The following FGGY variants were observed in gnomAD, a reference collection of about 807,000 sequenced individuals.
The protein encoded by FGGY is FGGY carbohydrate kinase domain containing.
A neutral mutation model predicts 71.3 loss-of-function variants in FGGY; 72 were observed. The observed-to-expected ratio is 1.01, with a 90% CI of 0.84 to 1.23. The LOEUF is 1.23. Among genes scored for constraint, FGGY ranks in the 50% most tolerant of loss-of-function variants. The pLI is 0.00. For missense variants in FGGY, 668 were observed against 682.3 expected, an observed-to-expected ratio of 0.98 and a Z score of 0.23; for synonymous variants, 251 against 250.3, an observed-to-expected ratio of 1.00 and a Z score of -0.02.
chr1:59,428,060 G>A (rs1280777191), intron 5 of FGGY, among the ~76,000 whole-genome samples: 1 of 152,200 alleles, frequency 6.6e-6, no homozygotes, highest in African/African-American at 2.4e-5. Flanking sequence ...TCAACTATTG[G>A]TATTTGCCAA....
chr1:59,724,443 T>G (rs1374647095), intron 14 of FGGY, among the ~76,000 whole-genome samples: 2 of 151,070 alleles, frequency 1.3e-5, no homozygotes, highest in Non-Finnish European at 3.0e-5. Context: ...GAGATTGCAC[T>G]GCTGCACTCC....
intron 1 of FGGY, among the ~76,000 whole-genome samples, chr1:59,299,753 C>G (rs2042473496): frequency 6.6e-6 from 1 of 152,194 alleles, no homozygotes; most frequent in African/African-American, 2.4e-5. Flanking sequence ...TGTCGTTCCC[C>G]TATTGGCTAG....
At chr1:59,511,068 T>A (rs2094506539) in intron 6 of FGGY, among the ~76,000 whole-genome samples, 1 of 152,222 alleles carries the variant, frequency 6.6e-6, no homozygotes. Context: ...ACAGCAGAGT[T>A]CTTCTAGAAG....
intron 1 of FGGY, among the ~76,000 whole-genome samples, chr1:59,314,647 C>T (rs941477108): frequency 6.6e-6 from 1 of 152,108 alleles, no homozygotes; most frequent in East Asian, 1.9e-4. Context: ...AATATGGTGA[C>T]CCTGATATTG....
intron 5 of FGGY, among the ~76,000 whole-genome samples, chr1:59,391,026 T>G (rs556301599): frequency 5.9e-5 from 9 of 152,338 alleles, no homozygotes; most frequent in African/African-American, 2.2e-4. Flanking sequence ...TAATCCTTAG[T>G]TCAAAGTTTT....
Position 59,363,955 on chromosome 1 carries a change from C to G in FGGY, c.466-14794C>G, listed in dbSNP as rs74085984. 2.7e-3 allele frequency among the ~76,000 whole-genome samples: 416 copies of G among 152,260 alleles called. 1 individual carries two copies. Among genetic ancestry groups the G allele is most frequent in the African/African-American group, 9.7e-3 (403 of 41,548 alleles). Reference sequence around the variant, plus strand: ...GGGAAATCACAGTGGAACTCTGCAACAGTGGTGTAAATGAACAAGTAAGGA... The same window carrying G: ...GGGAAATCACAGTGGAACTCTGCAAGAGTGGTGTAAATGAACAAGTAAGGA... On this transcript the variant is annotated intron_variant, in intron 4 of 15. Coordinates refer to ENST00000303721, the MANE Select transcript of FGGY (RefSeq NM_018291.5).
At chr1:59,606,685 A>G (rs566511562) in intron 8 of FGGY, among the ~76,000 whole-genome samples, 1 of 152,346 alleles carries the variant, frequency 6.6e-6, no homozygotes, top group African/African-American at 2.4e-5. Context: ...TGCTTTGTTT[A>G]TAATGAGAGC....
intron 5 of FGGY, among the ~76,000 whole-genome samples, chr1:59,429,719 C>T (rs2067003948): frequency 2.0e-5 from 3 of 152,152 alleles, no homozygotes; most frequent in Admixed American, 6.5e-5. Context: ...CACAGACACA[C>T]GACACACACG....
chr1:59,363,781 C>T (rs1193780995), intron 4 of FGGY, among the ~76,000 whole-genome samples: 2 of 152,154 alleles, frequency 1.3e-5, no homozygotes, highest in Non-Finnish European at 2.9e-5. Context: ...CTCAAGGACC[C>T]GTGACAAAAC....
At chr1:59,533,888 G>C (rs1401571813) in intron 7 of FGGY, among the ~76,000 whole-genome samples, 1 of 152,204 alleles carries the variant, frequency 6.6e-6, no homozygotes, top group African/African-American at 2.4e-5. Flanking sequence ...GGAAAAAACA[G>C]AGCAGAAAAA....
intron 5 of FGGY, among the ~76,000 whole-genome samples, chr1:59,417,471 A>T (rs927899196): frequency 2.0e-5 from 3 of 152,174 alleles, no homozygotes; most frequent in Admixed American, 6.5e-5. Flanking sequence ...GAAGGAGTGG[A>T]ATTGTTGGGT....
intron 14 of FGGY, among the ~76,000 whole-genome samples, chr1:59,721,311 CAG>C (rs145778490): frequency 0.062 from 8,554 of 137,558 alleles, 359 homozygotes; most frequent in Middle Eastern, 0.12. Context: ...GAAGATGATA[CAG>C]AGAGTTTTTC....
chr1:59,321,630 G>A lies in FGGY; in HGVS notation c.81G>A (p.Val27=). 1.2e-6 allele frequency: 2 copies of A among 1,613,774 alleles called. No individual in the cohort carries two copies. The highest frequency in any genetic ancestry group is 1.7e-6 in the Non-Finnish European group (2 of 1,179,786). Residue 27 remains valine, a synonymous_variant, in exon 2 of 16, where the codon GTG becomes GTA. Coordinates refer to ENST00000303721, the MANE Select transcript of FGGY (RefSeq NM_018291.5). The part of the protein sequence containing the change: ...VGTGSVRAAL[V]DQSGVLLAFA... ...CAGGCAGTGTCCGTGCAGCTCTGGT[G>A]GACCAGAGTGGGGTCCTGTTGGCTT...
intron 1 of FGGY, among the ~76,000 whole-genome samples, chr1:59,317,767 A>G (rs1309363812): frequency 6.6e-6 from 1 of 152,262 alleles, no homozygotes; most frequent in African/African-American, 2.4e-5. Flanking sequence ...AAAAGTGGTG[A>G]ACCTGAAATA....
intron 6 of FGGY, among the ~76,000 whole-genome samples, chr1:59,502,975 A>G (rs961192412): frequency 6.6e-6 from 1 of 152,134 alleles, no homozygotes; most frequent in African/African-American, 2.4e-5. Flanking sequence ...GCCTCCTGCA[A>G]ATGAGGTGGT....
At chr1:59,301,701 T>A in intron 1 of FGGY, among the ~76,000 whole-genome samples, 1 of 142,562 alleles carries the variant, frequency 7.0e-6, no homozygotes. Flanking sequence ...ACTGTTGTGA[T>A]CATTCTTTTT....
At chr1:59,408,468 A>G (rs534225552) in intron 5 of FGGY, among the ~76,000 whole-genome samples, 1 of 152,340 alleles carries the variant, frequency 6.6e-6, no homozygotes, top group East Asian at 1.9e-4. Context: ...AAAACATAAC[A>G]GCATTTCAAA....
rs1317784627 is a variant in FGGY at position 59,554,244 on chromosome 1, C to A, written c.903+17C>A. ...CACATGGGGGTGAGTCCACTGAGCA[C>A]AAAGGCAAGGCCACCACACAGCAGG... is the stretch of plus-strand genomic sequence containing the variant. On this transcript the variant is annotated intron_variant, in intron 8 of 15. Coordinates refer to ENST00000303721, the MANE Select transcript of FGGY (RefSeq NM_018291.5). 1.9e-6 allele frequency: 3 copies of A among 1,601,282 alleles called. No homozygotes were observed.
At chr1:59,623,988 A>G (rs2153836878) in intron 9 of FGGY, among the ~76,000 whole-genome samples, 1 of 152,224 alleles carries the variant, frequency 6.6e-6, no homozygotes, top group East Asian at 1.9e-4. Flanking sequence ...CTAATTATCC[A>G]TTACTGTTCC....
Sources: gnomAD v4.1 joint callset for allele counts (sites outside exome capture counted in the v4.1 genomes callset) on GRCh38, gnomAD v4.1.1 for gene constraint, MANE v1.5 for transcripts, NCBI Gene and HGNC (gene_info 2026-07-23, HGNC 2026-07-21) for gene names.